ZC3H12B: variants seen among roughly 807,000 people sequenced by gnomAD.
The protein encoded by ZC3H12B is probable ribonuclease ZC3H12B.
A neutral mutation model predicts 43.9 loss-of-function variants in ZC3H12B; 7 were observed. The observed-to-expected ratio is 0.16, with a 90% CI of 0.09 to 0.30. ZC3H12B has a LOEUF of 0.30. Ranked by LOEUF, ZC3H12B falls within the 10% of genes least tolerant of loss-of-function variation. The probability of loss-of-function intolerance (pLI) is 1.00; values close to 1 mark genes in which losing one functional copy is unlikely to be tolerated. For missense variants in ZC3H12B, 475 were observed against 670.2 expected (o/e 0.71, Z 3.22); for synonymous variants, 222 against 241.7 (o/e 0.92, Z 0.76).
chrX:65,442,443 C>T (rs974789737), intron 3 of ZC3H12B, among the ~76,000 whole-genome samples: 1 of 110,774 alleles, frequency 9.0e-6, no homozygotes, highest in Non-Finnish European at 1.9e-5. Flanking sequence ...TTTTCCCAAG[C>T]TCTAATGCTC....
the ZC3H12B span, among the ~76,000 whole-genome samples, chrX:65,335,582 G>T: frequency 4.5e-5 from 5 of 111,089 alleles, no homozygotes; most frequent in South Asian, 2.0e-3. Context: ...GAGGGGAATA[G>T]AATCAACAAA....
intron 2 of ZC3H12B, among the ~76,000 whole-genome samples, chrX:65,388,138 G>A (rs1282557848): frequency 9.0e-6 from 1 of 111,340 alleles, no homozygotes; most frequent in Non-Finnish European, 1.9e-5. Flanking sequence ...CTCTTCTCGA[G>A]GAGTATCTTT....
At chrX:65,446,523 A>G (rs1388379169) in intron 3 of ZC3H12B, among the ~76,000 whole-genome samples, 1 of 111,792 alleles carries the variant, frequency 8.9e-6, no homozygotes, top group Non-Finnish European at 1.9e-5. Context: ...TCAGGTTCCA[A>G]TGGTTGGGTG....
At chrX:65,121,803 C>G in the ZC3H12B span, among the ~76,000 whole-genome samples, 1 of 111,046 alleles carries the variant, frequency 9.0e-6, no homozygotes, top group Non-Finnish European at 1.9e-5. Flanking sequence ...TCCCTCTACT[C>G]ACTGCTTTGA....
the ZC3H12B span, among the ~76,000 whole-genome samples, chrX:65,091,231 G>A: frequency 8.9e-6 from 1 of 112,140 alleles, no homozygotes; most frequent in East Asian, 2.8e-4. Flanking sequence ...ACTAAAACAA[G>A]ATATGATACT....
At chrX:65,135,590 C>A in the ZC3H12B span, among the ~76,000 whole-genome samples, 1 of 109,458 alleles carries the variant, frequency 9.1e-6, no homozygotes, top group Non-Finnish European at 1.9e-5. Context: ...TTTTGTAACG[C>A]AGGCTAAATT....
the ZC3H12B span, among the ~76,000 whole-genome samples, chrX:65,062,699 G>A: frequency 8.9e-6 from 1 of 112,009 alleles, no homozygotes; most frequent in Non-Finnish European, 1.9e-5. Flanking sequence ...TGTGAACAAA[G>A]TCAATTGTGA....
chrX:65,357,424 G>A, the ZC3H12B span: 89 of 172,879 alleles, frequency 5.1e-4, no homozygotes, highest in African/African-American at 2.5e-3. Flanking sequence ...GCTCCAAATG[G>A]CACCCACTGC....
chrX:65,369,484 A>T (rs1159667605), intron 2 of ZC3H12B, among the ~76,000 whole-genome samples: 2 of 101,173 alleles, frequency 2.0e-5, no homozygotes, highest in Non-Finnish European at 3.8e-5. Context: ...GCTTAGAAAG[A>T]TCTAAATATC....
the ZC3H12B span, among the ~76,000 whole-genome samples, chrX:65,158,377 A>G: frequency 9.0e-6 from 1 of 111,546 alleles, no homozygotes; most frequent in African/African-American, 3.3e-5. Flanking sequence ...GAACTAGTTT[A>G]CAGTCCCACC....
At chrX:65,125,178 T>G in the ZC3H12B span, among the ~76,000 whole-genome samples, 55 of 111,587 alleles carry the variant, frequency 4.9e-4, no homozygotes, top group South Asian at 0.019. Flanking sequence ...TTTGGTAAGT[T>G]GTGACACTAT....
At chrX:65,323,855 G>T in the ZC3H12B span, among the ~76,000 whole-genome samples, 1 of 111,998 alleles carries the variant, frequency 8.9e-6, no homozygotes, top group Non-Finnish European at 1.9e-5. Flanking sequence ...TCCAGCATCT[G>T]TTGTTTCCTG....
At chrX:65,141,269 G>A in the ZC3H12B span, among the ~76,000 whole-genome samples, 1 of 109,992 alleles carries the variant, frequency 9.1e-6, no homozygotes. Flanking sequence ...TTTGTCTCAA[G>A]ATTTTAAAAA....
At chrX:65,376,042 C>G (rs931391506) in intron 2 of ZC3H12B, among the ~76,000 whole-genome samples, 1 of 112,060 alleles carries the variant, frequency 8.9e-6, no homozygotes, top group African/African-American at 3.2e-5. Flanking sequence ...TCTGGACGTG[C>G]CTTGGGCCAA....
chrX:65,173,634 G>C, the ZC3H12B span, among the ~76,000 whole-genome samples: 39 of 111,869 alleles, frequency 3.5e-4, no homozygotes, highest in South Asian at 1.1e-3. Context: ...AGCATGAAGG[G>C]ATGTTGAATT....
chrX:65,476,205 C>T (rs1389256728), intron 3 of ZC3H12B, among the ~76,000 whole-genome samples: 1 of 111,259 alleles, frequency 9.0e-6, no homozygotes, highest in Non-Finnish European at 1.9e-5. Flanking sequence ...ATTTCTACTC[C>T]TTTTTCTCAC....
chrX:65,311,615 AC>A, the ZC3H12B span, among the ~76,000 whole-genome samples: 3 of 111,775 alleles, frequency 2.7e-5, no homozygotes, highest in Admixed American at 2.8e-4. Context: ...AACTAGAAAT[AC>A]CATTTGACCC....
At chrX:65,306,378 TA>T in the ZC3H12B span, among the ~76,000 whole-genome samples, 66 of 111,572 alleles carry the variant, frequency 5.9e-4, no homozygotes, top group Middle Eastern at 4.6e-3. Context: ...ATTTATGTAT[TA>T]TTTTTTTCTT....
intron 2 of ZC3H12B, among the ~76,000 whole-genome samples, chrX:65,390,692 A>T (rs1219160068): frequency 9.2e-6 from 1 of 108,631 alleles, no homozygotes; most frequent in East Asian, 2.9e-4. Flanking sequence ...ATCAACAAAC[A>T]CCAGACATAA....
Sources: allele counts gnomAD v4.1 joint callset (sites outside exome capture counted in the v4.1 genomes callset), GRCh38; gene constraint gnomAD v4.1.1; transcripts MANE v1.5; gene names NCBI Gene and HGNC (gene_info 2026-07-23, HGNC 2026-07-21).